The following NAV1 variants were observed in gnomAD, a reference collection of about 807,000 sequenced individuals.
NAV1 encodes pore membrane and/or filament interacting like protein 3.
In NAV1, 18 loss-of-function variants were observed where a neutral mutation model predicts 175.2. That is an observed-to-expected ratio of 0.10 (90% CI 0.07 to 0.15). The LOEUF (loss-of-function observed/expected upper bound fraction) is 0.15, where lower values mean the gene tolerates loss of function less well. Among genes scored for constraint, NAV1 ranks in the 10% least tolerant of loss-of-function variants. NAV1 has a pLI of 1.00. For missense variants in NAV1, 1,731 were observed against 2,436.6 expected, an observed-to-expected ratio of 0.71 and a Z score of 6.10; for synonymous variants, 897 against 978.7, an observed-to-expected ratio of 0.92 and a Z score of 1.56.
exon 30 of NAV1, chr1:201,820,096 C>T: frequency 1.6e-6 from 1 of 644,806 alleles, no homozygotes; most frequent in South Asian, 2.0e-5. Flanking sequence ...TGGTGCTGTA[C>T]CTTTGAGAAC....
intron 1 of NAV1, among the ~76,000 whole-genome samples, chr1:201,583,213 C>G (rs543488566): frequency 2.1e-4 from 32 of 152,360 alleles, no homozygotes; most frequent in Non-Finnish European, 3.5e-4. Flanking sequence ...CGGCTGGGCT[C>G]ACGCTGCGTC....
intron 3 of NAV1, among the ~76,000 whole-genome samples, chr1:201,736,084 C>T (rs1219223510): frequency 6.6e-6 from 1 of 152,176 alleles, no homozygotes; most frequent in African/African-American, 2.4e-5. Context: ...AGTCACAGGC[C>T]CAGCTATCAC....
rs1671088227 is a variant in NAV1 at position 201,694,189 on chromosome 1, C to T, written c.758-18628C>T. Among the ~76,000 whole-genome samples the T allele has an allele frequency of 2.6e-5, 4 of 152,208 alleles. No individual in the cohort carries two copies. The highest frequency in any genetic ancestry group is 2.0e-4 in the Admixed American group (3 of 15,288). On this transcript the variant is annotated intron_variant, in intron 1 of 29. Transcript: ENST00000367296. This position sits in a 1 kb window ranked among gnomAD's most constrained non-coding sequence, Gnocchi z 4.2. ...AAGGAGGGTGCCAGAACACGGAGAGCTGGAGGGGACCAGCAGCCCCCTAGT... is the reference window on the plus strand; with the variant it reads ...AAGGAGGGTGCCAGAACACGGAGAGTTGGAGGGGACCAGCAGCCCCCTAGT...
chr1:201,652,462 ACC>A (rs1669243479), intron 1 of NAV1, among the ~76,000 whole-genome samples: 1 of 152,184 alleles, frequency 6.6e-6, no homozygotes, highest in African/African-American at 2.4e-5. Flanking sequence ...AGGAGTGAGT[ACC>A]GAGGGCAAAT....
chr1:201,559,120 A>G (rs76829076), intron 1 of NAV1, among the ~76,000 whole-genome samples: 215 of 152,324 alleles, frequency 1.4e-3, no homozygotes, highest in African/African-American at 5.0e-3. Context: ...GATAACGCGT[A>G]TAACACCTTT....
chr1:201,808,343 A>T lies in NAV1; in HGVS notation c.3846-75A>T, dbSNP rs1678442802. 4.6e-6 allele frequency: 7 copies of T among 1,512,584 alleles called. No individual in the cohort carries two copies. The highest frequency in any genetic ancestry group is 6.2e-6 in the Non-Finnish European group (7 of 1,122,930). 93.7% of individuals were successfully genotyped at this position (1,512,584 alleles called of 1,614,324 possible). On this transcript the variant is annotated intron_variant, in intron 18 of 29. Coordinates refer to ENST00000367296, the Ensembl canonical transcript of NAV1. The surrounding 1 kb of genome is among the most constrained non-coding windows in gnomAD (Gnocchi z 5.5). Reference sequence around the variant, plus strand: ...TGGGCAGGAGAAGCCAAGACCACCAACCATGCCTCTCAATATTCTCTAGTA... The same window carrying T: ...TGGGCAGGAGAAGCCAAGACCACCATCCATGCCTCTCAATATTCTCTAGTA...
intron 1 of NAV1, among the ~76,000 whole-genome samples, chr1:201,698,081 G>A (rs566929729): frequency 1.4e-4 from 22 of 152,292 alleles, no homozygotes; most frequent in African/African-American, 4.6e-4. Flanking sequence ...GCCTCTCGTC[G>A]TCTGATGCCC....
chr1:201,805,749 C>A (rs961074337), intron 17 of NAV1, among the ~76,000 whole-genome samples: 5 of 151,850 alleles, frequency 3.3e-5, no homozygotes, highest in African/African-American at 4.8e-5. Flanking sequence ...ATAGTGAAAT[C>A]CTGCCTCTAC....
chr1:201,644,741 TTCTCTTCTCAAAAGAAGCAG>T (rs1668918547), upstream of NAV1, among the ~76,000 whole-genome samples: 1 of 152,222 alleles, frequency 6.6e-6, no homozygotes, highest in Non-Finnish European at 1.5e-5. Flanking sequence ...CAACACTTTT[TTCTCTTCTCAAAAGAAGCAG>T]AATTTCAGGA....
chr1:201,818,304 G>A (rs750875892), intron 29 of NAV1, among the ~76,000 whole-genome samples: 23 of 152,026 alleles, frequency 1.5e-4, no homozygotes, highest in East Asian at 1.9e-4. Context: ...CAAGGCGGGC[G>A]GATCATGAGG....
At chr1:201,805,761 A>G (rs1571511148) in intron 17 of NAV1, among the ~76,000 whole-genome samples, 1 of 152,054 alleles carries the variant, frequency 6.6e-6, no homozygotes, top group East Asian at 1.9e-4. Flanking sequence ...TGCCTCTACT[A>G]AAAATGCAAC....
chr1:201,648,419 C>T, exon 1 of NAV1: 1 of 1,182,742 alleles, frequency 8.5e-7, no homozygotes, highest in Non-Finnish European at 1.0e-6. Context: ...CCCGCCCTAT[C>T]GCTCCCCGGC....
In NAV1 at chr1:201,788,207, AG is replaced by A. The variant is rs1676888879; in HGVS notation, c.2996-258del. On this transcript the variant is annotated intron_variant, in intron 9 of 29. Coordinates refer to ENST00000367296, the Ensembl canonical transcript of NAV1. The surrounding 1 kb of genome is among the most constrained non-coding windows in gnomAD (Gnocchi z 5.7). Reference sequence around the variant, plus strand: ...CAAAAGCAACAACTCTGAGGCAGGCAGGGTTGAGGGAAGGTCTTTATTCCAG... The same window carrying A: ...CAAAAGCAACAACTCTGAGGCAGGCAGGTTGAGGGAAGGTCTTTATTCCAG... Among the ~76,000 whole-genome samples, 1 of 152,152 alleles carries A rather than the reference AG, an allele frequency of 6.6e-6. No individual in the cohort carries two copies. The highest frequency in any genetic ancestry group is 2.4e-5 in the African/African-American group (1 of 41,440).
intron 1 of NAV1, among the ~76,000 whole-genome samples, chr1:201,573,037 G>A (rs567905866): frequency 6.6e-6 from 1 of 152,224 alleles, no homozygotes; most frequent in African/African-American, 2.4e-5. Context: ...CACTGGAAAG[G>A]TTGCATGGAA....
At chr1:201,558,362 G>A (rs1666097041) in intron 1 of NAV1, among the ~76,000 whole-genome samples, 1 of 152,168 alleles carries the variant, frequency 6.6e-6, no homozygotes, top group Non-Finnish European at 1.5e-5. Context: ...CTCAGATAAT[G>A]GTTAGTAAAT....
rs938750211 is a variant in NAV1 at position 201,691,909 on chromosome 1, G to A, written c.758-20908G>A. ...GCACCTGTTTAACTCCCTGACTGTG[G>A]TCTAGAGACCTCATGTCAGAACTGG... On this transcript the variant is annotated intron_variant, in intron 1 of 29. Transcript: ENST00000367296. Among the ~76,000 whole-genome samples, 5 of 152,314 alleles carry A rather than the reference G, an allele frequency of 3.3e-5. 1 individual carries two copies. Among genetic ancestry groups the A allele is most frequent in the African/African-American group, 1.2e-4 (5 of 41,560 alleles).
At chr1:201,541,362 C>G (rs1302690870) in intron 1 of NAV1, among the ~76,000 whole-genome samples, 1 of 152,176 alleles carries the variant, frequency 6.6e-6, no homozygotes, top group Non-Finnish European at 1.5e-5. Flanking sequence ...CCCCCAGACC[C>G]CCTCTACTTC....
At chr1:201,554,366 T>C (rs1306294128) in intron 1 of NAV1, among the ~76,000 whole-genome samples, 6 of 152,184 alleles carry the variant, frequency 3.9e-5, no homozygotes, top group Admixed American at 3.9e-4. Context: ...ACGTCTGTTC[T>C]GTTCACCGAT....
At chr1:201,640,818 C>T (rs1382497410) in intron 2 of NAV1, among the ~76,000 whole-genome samples, 2 of 152,196 alleles carry the variant, frequency 1.3e-5, no homozygotes, top group South Asian at 2.1e-4. Flanking sequence ...TTCCGAGTCA[C>T]GCATTCATTC....
Sources: allele counts gnomAD v4.1 joint callset (sites outside exome capture counted in the v4.1 genomes callset), GRCh38; gene constraint gnomAD v4.1.1; non-coding constraint Gnocchi (gnomAD v3.1); transcripts MANE v1.5; gene names NCBI Gene and HGNC (gene_info 2026-07-23, HGNC 2026-07-21).